The following LMNTD1 variants were observed in gnomAD, a reference collection of about 807,000 sequenced individuals.
The protein encoded by LMNTD1 is lamin tail domain containing 1, also known as lamin tail domain-containing protein 1.
Under a neutral mutation model 50.9 loss-of-function variants are expected in LMNTD1, and 35 were observed. The ratio of observed to expected loss-of-function variants is 0.69; its 90% confidence interval spans 0.53 to 0.91. The LOEUF (loss-of-function observed/expected upper bound fraction) is 0.91, where lower values mean the gene tolerates loss of function less well. LMNTD1 is among the 40% of genes least tolerant of loss of function. The pLI, the probability that LMNTD1 is intolerant of heterozygous loss-of-function variation, is 0.00. For missense variants in LMNTD1, 470 were observed against 475.5 expected (o/e 0.99, Z 0.11); for synonymous variants, 153 against 161.9 (o/e 0.94, Z 0.42).
intron 1 of LMNTD1, among the ~76,000 whole-genome samples, chr12:25,627,818 G>T (rs562449710): frequency 2.0e-5 from 3 of 152,124 alleles, no homozygotes; most frequent in African/African-American, 7.2e-5. Context: ...TCTTTAAAAG[G>T]CAAAGGATGG....
Position 25,531,468 on chromosome 12 carries a change from T to A in LMNTD1, c.492-4513A>T, listed in dbSNP as rs143427127. On this transcript the variant is annotated intron_variant, in intron 4 of 9. Coordinates refer to ENST00000458174, the MANE Select transcript of LMNTD1 (RefSeq NM_001145728.2). The stretch of plus-strand genomic sequence containing the variant: ...GTGTCTCGTTATTCTATTTTTCTGT[T>A]GATAAACCAACTGCCAGCCAATATT... Among the ~76,000 whole-genome samples the A allele has an allele frequency of 1.7e-3, 255 of 152,378 alleles. 2 individuals are homozygous for A. In the East Asian group the frequency reaches 0.025, roughly 15 times the overall value.
intron 3 of LMNTD1, 149 bp from the exon 4 acceptor site, chr12:25,546,703 A>G (rs1943458506): frequency 2.2e-6 from 1 of 449,342 alleles, no homozygotes. Context: ...GAGAATAGTT[A>G]GAAGCTTTAA....
chr12:25,511,786 G>C (rs1182470430), intron 8 of LMNTD1, among the ~76,000 whole-genome samples: 1 of 152,070 alleles, frequency 6.6e-6, no homozygotes, highest in Non-Finnish European at 1.5e-5. Flanking sequence ...CAAACTTTCT[G>C]GACTAACACC....
At chr12:25,612,290 TCACACACACACACACA>T (rs71705893) in intron 1 of LMNTD1, among the ~76,000 whole-genome samples, 8 of 107,250 alleles carry the variant, frequency 7.5e-5, no homozygotes, top group African/African-American at 2.4e-4. Context: ...CTAAGGTCCC[TCACACACACACACACA>T]CACACACACA....
At chr12:25,616,905 A>G (rs561842329) in intron 1 of LMNTD1, among the ~76,000 whole-genome samples, 2 of 152,206 alleles carry the variant, frequency 1.3e-5, no homozygotes, top group African/African-American at 4.8e-5. Context: ...AATGTTCTAT[A>G]TCTTGAATCT....
intron 3 of LMNTD1, chr12:25,547,470 T>C (rs1299204230): frequency 2.6e-5 from 4 of 151,788 alleles, no homozygotes. Context: ...TAGCTATTAT[T>C]ACAGTACAGA....
chr12:25,623,623 A>G (rs1042119866), intron 1 of LMNTD1, among the ~76,000 whole-genome samples: 10 of 151,472 alleles, frequency 6.6e-5, no homozygotes, highest in African/African-American at 2.4e-4. Context: ...ATCCCTGAAA[A>G]TGCTGAATGT....
intron 7 of LMNTD1, 78 bp from the exon 8 acceptor site, chr12:25,519,045 G>C: frequency 7.5e-7 from 1 of 1,341,586 alleles, no homozygotes; most frequent in South Asian, 1.3e-5. Flanking sequence ...ACAATTAAAG[G>C]GGAAGCATAT....
At chr12:25,499,246 ATT>A (rs968576608) in intron 9 of LMNTD1, among the ~76,000 whole-genome samples, 1 of 151,652 alleles carries the variant, frequency 6.6e-6, no homozygotes, top group Non-Finnish European at 1.5e-5. Flanking sequence ...TGTTTTTTAA[ATT>A]TTTTTTGTAG....
chr12:25,640,674 T>TG (rs1946940311), intron 1 of LMNTD1, among the ~76,000 whole-genome samples: 1 of 152,058 alleles, frequency 6.6e-6, no homozygotes, highest in Non-Finnish European at 1.5e-5. Flanking sequence ...TTTTGTTTTT[T>TG]TTTTGAGACG....
chr12:25,550,493 C>T (rs917597390), intron 2 of LMNTD1, among the ~76,000 whole-genome samples: 4 of 152,146 alleles, frequency 2.6e-5, no homozygotes, highest in Non-Finnish European at 1.5e-5. Flanking sequence ...GACAAATGGC[C>T]AGTTCAGCCA....
At chr12:25,497,316 C>A (rs1378044669) in intron 9 of LMNTD1, among the ~76,000 whole-genome samples, 1 of 152,040 alleles carries the variant, frequency 6.6e-6, no homozygotes, top group African/African-American at 2.4e-5. Context: ...TTTCAACGGC[C>A]GGCGGGAAGC....
upstream of LMNTD1, chr12:25,553,368 C>T (rs79300249): frequency 6.0e-3 from 4,185 of 699,324 alleles, 22 homozygotes; most frequent in African/African-American, 7.5e-3. Flanking sequence ...TGAACAATTC[C>T]TATGTTGATG....
At chr12:25,556,085 G>T (rs1331843810), upstream of LMNTD1, among the ~76,000 whole-genome samples, 1 of 142,572 alleles carries the variant, frequency 7.0e-6, no homozygotes, top group African/African-American at 2.6e-5. Flanking sequence ...TGATTCTACT[G>T]CCTTAGCCTC....
intron 4 of LMNTD1, among the ~76,000 whole-genome samples, chr12:25,527,563 A>T (rs1941822550): frequency 6.8e-6 from 1 of 146,966 alleles, no homozygotes; most frequent in African/African-American, 2.5e-5. Flanking sequence ...GTAAGTGAGG[A>T]CCCCCATCTT....
chr12:25,520,003 T>G lies in LMNTD1; in HGVS notation c.871A>C (p.Arg291=). 4 of 1,613,800 alleles carry G rather than the reference T, an allele frequency of 2.5e-6. No homozygotes were observed. The highest frequency in any genetic ancestry group is 3.4e-6 in the Non-Finnish European group (4 of 1,179,898). ...AATGTTGGAGATACTACTGAACATC[T>G]GTTAAATTCAACGTCAGCATCTAAT... The part of the protein sequence containing the change: ...EKLDADVEFN[R]CSVVSPTFRK... Residue 291 remains arginine (R), a synonymous_variant, in exon 7 of 10, where the codon AGA becomes CGA. Coordinates refer to ENST00000458174, the MANE Select transcript of LMNTD1 (RefSeq NM_001145728.2).
chr12:25,486,302 CTGTT>C (rs1195836927), intron 9 of LMNTD1, among the ~76,000 whole-genome samples: 3 of 149,812 alleles, frequency 2.0e-5, no homozygotes, highest in East Asian at 2.0e-4. Flanking sequence ...ATTTGGCTCT[CTGTT>C]TGTCTGTTGT....
At chr12:25,640,919 G>A (rs545158449) in intron 1 of LMNTD1, among the ~76,000 whole-genome samples, 4 of 152,100 alleles carry the variant, frequency 2.6e-5, no homozygotes, top group African/African-American at 7.2e-5. Context: ...CACCTGCCTC[G>A]GCCTCCCAAA....
chr12:25,590,697 C>G (rs574636044), intron 1 of LMNTD1, among the ~76,000 whole-genome samples: 20 of 152,300 alleles, frequency 1.3e-4, no homozygotes, highest in African/African-American at 4.8e-4. Context: ...TGTCTGGCAT[C>G]TTGAACGTCA....
Sources: allele counts gnomAD v4.1 joint callset (sites outside exome capture counted in the v4.1 genomes callset), GRCh38; gene constraint gnomAD v4.1.1; transcripts MANE v1.5; gene names NCBI Gene and HGNC (gene_info 2026-07-23, HGNC 2026-07-21).